RGS7: variants seen among roughly 807,000 people sequenced by gnomAD.
RGS7 encodes the protein regulator of G-protein signaling 7.
In RGS7, 27 loss-of-function variants were observed where a neutral mutation model predicts 81.1. The ratio of observed to expected loss-of-function variants is 0.33; its 90% confidence interval spans 0.25 to 0.46. The LOEUF (loss-of-function observed/expected upper bound fraction) is 0.46. Among genes scored for constraint, RGS7 ranks in the 20% least tolerant of loss-of-function variants. RGS7 has a pLI of 1.00. For missense variants in RGS7, 396 were observed against 607.4 expected (o/e 0.65, Z 3.66); for synonymous variants, 208 against 207.7 (o/e 1.00, Z -0.01).
intron 2 of RGS7, among the ~76,000 whole-genome samples, chr1:241,337,251 G>T (rs2082294833): frequency 6.6e-6 from 1 of 152,008 alleles, no homozygotes. Context: ...CATGCCTCTT[G>T]TCCTTGTATC....
intron 3 of RGS7, among the ~76,000 whole-genome samples, chr1:241,052,210 G>A (rs1011450575): frequency 6.6e-6 from 1 of 152,136 alleles, no homozygotes; most frequent in South Asian, 2.1e-4. Context: ...GCTTCCTGGG[G>A]AAAATGGAAA....
chr1:240,891,890 T>C (rs1344227305), intron 6 of RGS7, among the ~76,000 whole-genome samples: 1 of 152,200 alleles, frequency 6.6e-6, no homozygotes, highest in African/African-American at 2.4e-5. Context: ...GCTTTCTTAT[T>C]AGATGGCTCA....
rs566806766 is a variant in RGS7 at position 241,149,174 on chromosome 1, C to CT, written c.79-50413dup. Among the ~76,000 whole-genome samples, 98 of 151,358 alleles carry CT rather than the reference C, an allele frequency of 6.5e-4. No individual in the cohort carries two copies. The East Asian group carries it at 0.015, about 24-fold the overall frequency. ...CAAGTAGAAAATGTGAGCATTTTCT[C>CT]TTTTTTTTTGAGATGAAGTCTTGCT... On this transcript the variant is annotated intron_variant, in intron 2 of 18. Coordinates refer to ENST00000440928, the MANE Select transcript of RGS7 (RefSeq NM_001364886.1).
At chr1:241,234,855 T>TA (rs549677236) in intron 2 of RGS7, among the ~76,000 whole-genome samples, 2,864 of 144,246 alleles carry the variant, frequency 0.02, 41 homozygotes, top group Non-Finnish European at 0.028. Context: ...TAGCAAAAGT[T>TA]AAAAAAAAAA....
rs1396762649 is a variant in RGS7 at position 240,814,748 on chromosome 1, T to C, written c.813A>G (p.Arg271=). ...CGACTTTTGACATTTTTAACCGATG[T>C]CTATCTAACTGTATTTGCCAATATT... The part of the protein sequence containing the change: ...QIKYWQIQLD[R]HRLKMSKVAD... The change falls in exon 12 of 19, where the codon AGA becomes AGG. Residue 271 remains arginine, a synonymous_variant. Coordinates refer to ENST00000440928, the MANE Select transcript of RGS7 (RefSeq NM_001364886.1). The C allele has an allele frequency of 1.4e-5, 23 of 1,601,216 alleles. No individual in the cohort carries two copies. In the East Asian group the frequency reaches 4.9e-4, roughly 34 times the overall value.
intron 3 of RGS7, among the ~76,000 whole-genome samples, chr1:241,011,923 G>A (rs370110255): frequency 6.6e-6 from 1 of 151,970 alleles, no homozygotes; most frequent in Non-Finnish European, 1.5e-5. Context: ...TTTTGGCAAC[G>A]CCCTACTCTG....
intron 2 of RGS7, among the ~76,000 whole-genome samples, chr1:241,326,938 G>T (rs1260382994): frequency 7.0e-6 from 1 of 143,234 alleles, no homozygotes; most frequent in African/African-American, 2.6e-5. Flanking sequence ...AAGAAAGAGA[G>T]AGAGAAATAA....
At chr1:241,355,306 T>C (rs1240492012) in intron 2 of RGS7, among the ~76,000 whole-genome samples, 1 of 152,234 alleles carries the variant, frequency 6.6e-6, no homozygotes, top group Admixed American at 6.5e-5. Context: ...TACTTTTATT[T>C]CTAAAATGTG....
chr1:241,033,235 C>T (rs1380702571), intron 3 of RGS7, among the ~76,000 whole-genome samples: 1 of 152,058 alleles, frequency 6.6e-6, no homozygotes, highest in Non-Finnish European at 1.5e-5. Flanking sequence ...CCTGTGGTCC[C>T]ACCTACCCAG....
intron 2 of RGS7, among the ~76,000 whole-genome samples, chr1:241,266,832 C>CAA (rs5782182): frequency 6.6e-6 from 1 of 152,052 alleles, no homozygotes; most frequent in East Asian, 1.9e-4. Flanking sequence ...CTTTTGGATA[C>CAA]AAAAATGTGA....
intron 4 of RGS7, among the ~76,000 whole-genome samples, chr1:240,947,148 G>A (rs1232186053): frequency 2.0e-5 from 3 of 152,112 alleles, no homozygotes; most frequent in Admixed American, 2.0e-4. Context: ...GCATTATATG[G>A]GGCAATGGTT....
chr1:240,866,976 C>T (rs1303638817), intron 9 of RGS7, among the ~76,000 whole-genome samples: 1 of 152,138 alleles, frequency 6.6e-6, no homozygotes, highest in Non-Finnish European at 1.5e-5. Flanking sequence ...AGCACAGGAA[C>T]ATAACACATT....
chr1:240,781,853 A>G (rs888562373), intron 18 of RGS7, among the ~76,000 whole-genome samples: 2 of 152,080 alleles, frequency 1.3e-5, no homozygotes, highest in Admixed American at 1.3e-4. Context: ...TGTCTCTACT[A>G]AATATACAAA....
At chr1:241,351,615 G>GTCC (rs2083257436) in intron 2 of RGS7, among the ~76,000 whole-genome samples, 2 of 152,188 alleles carry the variant, frequency 1.3e-5, no homozygotes, top group South Asian at 4.2e-4. Flanking sequence ...TGCAAATTAT[G>GTCC]TCCTCAACTT....
intron 2 of RGS7, among the ~76,000 whole-genome samples, chr1:241,166,006 C>T (rs1046697445): frequency 2.0e-5 from 3 of 152,134 alleles, no homozygotes; most frequent in Non-Finnish European, 4.4e-5. Flanking sequence ...GAACCAGGCT[C>T]AGCAATCTGC....
chr1:241,195,800 G>C (rs1193603330), intron 2 of RGS7, among the ~76,000 whole-genome samples: 1 of 151,550 alleles, frequency 6.6e-6, no homozygotes, highest in African/African-American at 2.4e-5. Context: ...AACAAAAGAG[G>C]GAGAAAAAAT....
At chr1:241,098,619 T>A in intron 3 of RGS7, 47 bp downstream of exon 3, 1 of 1,251,442 alleles carries the variant, frequency 8.0e-7, no homozygotes, top group Non-Finnish European at 1.2e-6. Flanking sequence ...TAAAGAGTTA[T>A]CTAAGAGGTA....
chr1:241,167,906 G>T (rs11576693), intron 2 of RGS7, among the ~76,000 whole-genome samples: 46,506 of 151,960 alleles, frequency 0.31, 7,322 homozygotes, highest in East Asian at 0.36. Flanking sequence ...TGTACTCCTG[G>T]GGTGGTGTGG....
intron 2 of RGS7, among the ~76,000 whole-genome samples, chr1:241,125,164 C>T (rs758635618): frequency 2.6e-5 from 4 of 152,124 alleles, no homozygotes; most frequent in Non-Finnish European, 5.9e-5. Flanking sequence ...GATTTGTGGT[C>T]ATTCTTTTCA....
Sources: allele counts gnomAD v4.1 joint callset (sites outside exome capture counted in the v4.1 genomes callset), GRCh38; gene constraint gnomAD v4.1.1; transcripts MANE v1.5; gene names NCBI Gene and HGNC (gene_info 2026-07-23, HGNC 2026-07-21).